CPQ: variants seen among roughly 807,000 people sequenced by gnomAD.
CPQ encodes the protein Ser-Met dipeptidase.
Under a neutral mutation model 45.7 loss-of-function variants are expected in CPQ, and 37 were observed. That is an observed-to-expected ratio of 0.81 (90% CI 0.62 to 1.07). CPQ has a LOEUF of 1.07. Among genes scored for constraint, CPQ ranks in the 50% least tolerant of loss-of-function variants. The pLI is 0.00. For missense variants in CPQ, 537 were observed against 572.9 expected, an observed-to-expected ratio of 0.94 and a Z score of 0.64; for synonymous variants, 186 against 205.8, an observed-to-expected ratio of 0.90 and a Z score of 0.82.
intron 4 of CPQ, among the ~76,000 whole-genome samples, chr8:96,902,313 T>G (rs1346674230): frequency 1.3e-5 from 2 of 152,218 alleles, no homozygotes; most frequent in South Asian, 2.1e-4. Flanking sequence ...CAAAACTATT[T>G]AGCAGATGAA....
At chr8:96,911,690 C>A (rs1268547145) in intron 4 of CPQ, among the ~76,000 whole-genome samples, 1 of 152,312 alleles carries the variant, frequency 6.6e-6, no homozygotes, top group African/African-American at 2.4e-5. Flanking sequence ...AAAACTAAAT[C>A]TTTTAATCTC....
intron 5 of CPQ, among the ~76,000 whole-genome samples, chr8:97,017,129 A>G (rs150535939): frequency 6.6e-6 from 1 of 152,314 alleles, no homozygotes; most frequent in East Asian, 1.9e-4. Flanking sequence ...CCCTGAACAT[A>G]TATCCCCACT....
intron 1 of CPQ, among the ~76,000 whole-genome samples, chr8:96,720,951 GT>G (rs1277098413): frequency 6.6e-6 from 1 of 151,118 alleles, no homozygotes; most frequent in Non-Finnish European, 1.5e-5. Flanking sequence ...TTAATAAGGT[GT>G]TCATGGGTTT....
In CPQ at chr8:96,679,152, T is replaced by G. The variant is rs1288657417; in HGVS notation, c.-35+33750T>G. Among the ~76,000 whole-genome samples, 3 of 152,158 alleles carry G rather than the reference T, an allele frequency of 2.0e-5. No homozygotes were observed. The East Asian group carries it at 5.8e-4, about 29-fold the overall frequency. On this transcript the variant is annotated intron_variant, in intron 1 of 7. Coordinates refer to ENST00000220763, the MANE Select transcript of CPQ (RefSeq NM_016134.4). ...TTTTCCCATTTGTTGAAGAACTGAA[T>G]GCTTTTTCTATGTCTACTGAGATGA...
chr8:96,907,716 C>T (rs982963521), intron 4 of CPQ, among the ~76,000 whole-genome samples: 1 of 151,928 alleles, frequency 6.6e-6, no homozygotes, highest in African/African-American at 2.4e-5. Context: ...CCAGGTAAAC[C>T]TGAGAGTTAT....
intron 4 of CPQ, among the ~76,000 whole-genome samples, chr8:96,894,123 C>G (rs1232021087): frequency 6.6e-6 from 1 of 152,168 alleles, no homozygotes. Flanking sequence ...CTGCTATTAA[C>G]CAGTACAAAC....
chr8:96,846,610 A>C (rs1354527845), intron 3 of CPQ, among the ~76,000 whole-genome samples: 1 of 152,114 alleles, frequency 6.6e-6, no homozygotes, highest in Non-Finnish European at 1.5e-5. Context: ...GATCATTTGA[A>C]AGTAAGGTTG....
At chr8:96,662,299 A>G (rs1815709637) in intron 1 of CPQ, among the ~76,000 whole-genome samples, 1 of 152,146 alleles carries the variant, frequency 6.6e-6, no homozygotes, top group Non-Finnish European at 1.5e-5. Flanking sequence ...TGTATTTTCA[A>G]TTTGGAACTT....
At chr8:96,745,625 T>A (rs1292228844) in intron 1 of CPQ, among the ~76,000 whole-genome samples, 1 of 152,204 alleles carries the variant, frequency 6.6e-6, no homozygotes, top group Non-Finnish European at 1.5e-5. Flanking sequence ...TTAAAGAAGA[T>A]ACTTGAAGTC....
intron 3 of CPQ, among the ~76,000 whole-genome samples, chr8:96,876,519 G>GA (rs1812147047): frequency 6.6e-6 from 1 of 152,072 alleles, no homozygotes; most frequent in Non-Finnish European, 1.5e-5. Flanking sequence ...GATCTCAGGG[G>GA]AAAAGCATTC....
At chr8:96,822,810 G>C (rs1368415139) in intron 2 of CPQ, among the ~76,000 whole-genome samples, 1 of 151,972 alleles carries the variant, frequency 6.6e-6, no homozygotes, top group East Asian at 1.9e-4. Flanking sequence ...TAGTTCGTTA[G>C]CATAAAATCC....
At chr8:96,954,923 G>T (rs1468955590) in intron 4 of CPQ, among the ~76,000 whole-genome samples, 2 of 152,090 alleles carry the variant, frequency 1.3e-5, no homozygotes, top group Non-Finnish European at 1.5e-5. Context: ...CAAAGGACAT[G>T]AACTCATCAT....
At chr8:96,661,264 C>T (rs902520612) in intron 1 of CPQ, among the ~76,000 whole-genome samples, 2 of 152,094 alleles carry the variant, frequency 1.3e-5, no homozygotes, top group East Asian at 3.9e-4. Flanking sequence ...ATATCCCATA[C>T]ACTACCTGCC....
At chr8:96,764,990 C>T (rs1810448939) in intron 1 of CPQ, among the ~76,000 whole-genome samples, 1 of 152,326 alleles carries the variant, frequency 6.6e-6, no homozygotes, top group East Asian at 1.9e-4. Context: ...TAAAACCAGC[C>T]TTTGCACCTG....
chr8:96,695,529 G>T (rs1015313477), intron 1 of CPQ, among the ~76,000 whole-genome samples: 6 of 152,074 alleles, frequency 3.9e-5, no homozygotes, highest in Admixed American at 2.6e-4. Context: ...GAAAATTTTC[G>T]CAACCTACTC....
intron 6 of CPQ, among the ~76,000 whole-genome samples, chr8:97,054,179 A>G (rs960307219): frequency 1.4e-4 from 22 of 152,296 alleles, no homozygotes; most frequent in African/African-American, 5.1e-4. Context: ...AAAATGTTCA[A>G]CATCACTAAT....
At chr8:96,798,576 C>G (rs966260576) in intron 2 of CPQ, among the ~76,000 whole-genome samples, 7 of 152,064 alleles carry the variant, frequency 4.6e-5, no homozygotes, top group Non-Finnish European at 1.0e-4. Flanking sequence ...ATTTGCCTTT[C>G]CCTCAACATG....
intron 1 of CPQ, among the ~76,000 whole-genome samples, chr8:96,696,763 C>T (rs1809390146): frequency 6.6e-6 from 1 of 151,926 alleles, no homozygotes. Flanking sequence ...AACTTGAAAA[C>T]CTAGGAGAAA....
At chr8:96,767,000 T>C (rs184520067) in intron 1 of CPQ, among the ~76,000 whole-genome samples, 194 of 152,270 alleles carry the variant, frequency 1.3e-3, no homozygotes, top group Middle Eastern at 0.01. Context: ...ACCGTCAGAA[T>C]TTTTTCCTGC....
Sources: allele counts gnomAD v4.1 joint callset (sites outside exome capture counted in the v4.1 genomes callset), GRCh38; gene constraint gnomAD v4.1.1; transcripts MANE v1.5; gene names NCBI Gene and HGNC (gene_info 2026-07-23, HGNC 2026-07-21).